IQCH: variants seen among roughly 807,000 people sequenced by gnomAD.
IQCH encodes IQ domain-containing protein H.
IQCH carries 98 observed loss-of-function variants against 117.0 expected under a neutral mutation model. The observed-to-expected ratio is 0.84, with a 90% confidence interval of 0.71 to 0.99. IQCH has a LOEUF of 0.99. IQCH is among the 50% of genes least tolerant of loss of function. The pLI, the probability that IQCH is intolerant of heterozygous loss-of-function variation, is 0.00. For missense variants in IQCH, 1,102 were observed against 1,243.8 expected, an observed-to-expected ratio of 0.89 and a Z score of 1.72; for synonymous variants, 412 against 448.2, an observed-to-expected ratio of 0.92 and a Z score of 1.02.
intron 3 of IQCH, among the ~76,000 whole-genome samples, chr15:67,276,171 T>A (rs1227186444): frequency 6.6e-6 from 1 of 152,166 alleles, no homozygotes; most frequent in African/African-American, 2.4e-5. Flanking sequence ...CAAAATTATA[T>A]CTCAATTCAA....
At chr15:67,295,712 A>G (rs1163854268) in intron 4 of IQCH, among the ~76,000 whole-genome samples, 2 of 152,214 alleles carry the variant, frequency 1.3e-5, no homozygotes, top group Non-Finnish European at 2.9e-5. Context: ...ATATAGACAA[A>G]TGAATCCTAA....
intron 3 of IQCH, among the ~76,000 whole-genome samples, chr15:67,277,971 T>C (rs912039453): frequency 1.3e-5 from 2 of 152,138 alleles, no homozygotes. Flanking sequence ...GTAAATGTGG[T>C]GGTAAAGTGT....
At chr15:67,400,677 T>C (rs1328340069) in intron 14 of IQCH, among the ~76,000 whole-genome samples, 3 of 150,748 alleles carry the variant, frequency 2.0e-5, no homozygotes, top group Admixed American at 2.0e-4. Context: ...TTTTTTTTTA[T>C]TGGGACGGGG....
chr15:67,335,626 C>T (rs1394395537), intron 4 of IQCH, among the ~76,000 whole-genome samples: 1 of 152,108 alleles, frequency 6.6e-6, no homozygotes, highest in Non-Finnish European at 1.5e-5. Flanking sequence ...GAGAGGAGAG[C>T]TGAGGATAAG....
At chr15:67,429,718 T>C (rs1034214699) in intron 16 of IQCH, among the ~76,000 whole-genome samples, 1 of 152,178 alleles carries the variant, frequency 6.6e-6, no homozygotes, top group African/African-American at 2.4e-5. Context: ...TTCATGCCCA[T>C]TGGCCCCAGC....
At position 67,475,293 on chromosome 15, in the gene IQCH, TAGTG is replaced by T. The variant is rs1162352521; in HGVS notation, c.2677-400_2677-397del. Among the ~76,000 whole-genome samples the T allele has an allele frequency of 1.3e-5, 2 of 152,088 alleles. No homozygotes were observed. Among genetic ancestry groups the T allele is most frequent in the East Asian group, 3.9e-4 (2 of 5,164 alleles). On this transcript the variant is annotated intron_variant, in intron 17 of 20. Transcript: ENST00000335894. This position sits in a 1 kb window ranked among gnomAD's most constrained non-coding sequence, Gnocchi z 5.7. Reference sequence around the variant, plus strand: ...GAGTTCAAGACCAGCCTGGGCAACATAGTGAGACCCCTGTCTCTACAAAAAAATA... The same window carrying T: ...GAGTTCAAGACCAGCCTGGGCAACATAGACCCCTGTCTCTACAAAAAAATA...
At chr15:67,325,373 A>G (rs1596185464) in intron 4 of IQCH, among the ~76,000 whole-genome samples, 1 of 152,136 alleles carries the variant, frequency 6.6e-6, no homozygotes, top group African/African-American at 2.4e-5. Flanking sequence ...ATCATCTTGT[A>G]TGCTTTAAAT....
At chr15:67,470,222 G>C (rs1333907263) in intron 17 of IQCH, among the ~76,000 whole-genome samples, 1 of 152,220 alleles carries the variant, frequency 6.6e-6, no homozygotes, top group Admixed American at 6.5e-5. Flanking sequence ...CCAGGCTGGA[G>C]TGCAGTGGCA....
chr15:67,348,551 A>T (rs1450753331), intron 6 of IQCH, among the ~76,000 whole-genome samples: 1 of 152,242 alleles, frequency 6.6e-6, no homozygotes, highest in Non-Finnish European at 1.5e-5. Flanking sequence ...TTAGGTATAA[A>T]GCTAACAAAT....
chr15:67,330,135 C>T (rs1453813368), intron 4 of IQCH, among the ~76,000 whole-genome samples: 2 of 152,144 alleles, frequency 1.3e-5, no homozygotes, highest in African/African-American at 2.4e-5. Flanking sequence ...TCCTATACCA[C>T]TGGCCAGAAC....
intron 14 of IQCH, among the ~76,000 whole-genome samples, chr15:67,412,645 C>T (rs8026196): frequency 0.45 from 68,973 of 151,912 alleles, 16,728 homozygotes; most frequent in Non-Finnish European, 0.55. Context: ...GTGATCCACC[C>T]ACCTCGGCCT....
chr15:67,455,134 G>GA (rs1289403325), intron 16 of IQCH, among the ~76,000 whole-genome samples: 12 of 152,092 alleles, frequency 7.9e-5, no homozygotes, highest in Non-Finnish European at 1.6e-4. Context: ...TGTTTTCAAG[G>GA]AAGATTTTTT....
intron 8 of IQCH, among the ~76,000 whole-genome samples, chr15:67,362,680 C>A (rs988254408): frequency 6.6e-6 from 1 of 152,132 alleles, no homozygotes; most frequent in Non-Finnish European, 1.5e-5. Flanking sequence ...CCCTACAGCC[C>A]CAGGAAATCC....
chr15:67,297,540 C>T (rs1966860767), intron 4 of IQCH, among the ~76,000 whole-genome samples: 1 of 152,128 alleles, frequency 6.6e-6, no homozygotes, highest in South Asian at 2.1e-4. Flanking sequence ...TTCAATGGTT[C>T]AGCACCATAG....
At chr15:67,341,315 G>A (rs1596218296) in intron 5 of IQCH, among the ~76,000 whole-genome samples, 1 of 152,160 alleles carries the variant, frequency 6.6e-6, no homozygotes, top group African/African-American at 2.4e-5. Flanking sequence ...TTGTGAACAA[G>A]AAATTCCTAA....
chr15:67,497,824 A>T lies in IQCH; in HGVS notation c.2971-2809A>T, dbSNP rs149009304. 1.4e-4 allele frequency among the ~76,000 whole-genome samples: 22 copies of T among 152,314 alleles called. No homozygotes were observed. In the East Asian group the frequency reaches 4.1e-3, roughly 28 times the overall value. ...TTTAACAGAAGTGCAAGATTTTTGC[A>T]GTGAAAACTATAAGACATGGGTGAA... On this transcript the variant is annotated intron_variant, in intron 20 of 20. Transcript: ENST00000335894.
rs992823955 is a variant in IQCH, at chr15:67,386,787, C to T, written c.1456+1768C>T. 1.3e-5 allele frequency among the ~76,000 whole-genome samples: 2 copies of T among 152,068 alleles called. No homozygotes were observed. Among genetic ancestry groups the T allele is most frequent in the African/African-American group, 4.8e-5 (2 of 41,438 alleles). On this transcript the variant is annotated intron_variant, in intron 11 of 20. Transcript: ENST00000335894. This position sits in a 1 kb window ranked among gnomAD's most constrained non-coding sequence, Gnocchi z 5.0. ...ATCAAAGAAAGTTTCATCTTCGTATCAATTCCTTTCCAAAATTACCTGTCA... is the reference window on the plus strand; with the variant it reads ...ATCAAAGAAAGTTTCATCTTCGTATTAATTCCTTTCCAAAATTACCTGTCA...
chr15:67,306,578 A>T (rs1009589970), intron 4 of IQCH, among the ~76,000 whole-genome samples: 1 of 152,132 alleles, frequency 6.6e-6, no homozygotes, highest in Non-Finnish European at 1.5e-5. Context: ...TCTCCATCTT[A>T]TGAAGTGGTG....
chr15:67,395,679 T>A lies in IQCH; in HGVS notation c.1905+116T>A. The A allele has an allele frequency of 1.5e-6, 1 of 652,624 alleles. No homozygotes were observed. Among genetic ancestry groups the A allele is most frequent in the Non-Finnish European group, 2.5e-6 (1 of 392,276 alleles). 40.4% of individuals were successfully genotyped at this position (652,624 alleles called of 1,614,324 possible). The stretch of plus-strand genomic sequence containing the variant: ...ACCCAATGAAGAATAGGTGGAATAT[T>A]TGAGTTGATTTGAGGGAATCTACTT... On this transcript the variant is annotated intron_variant, in intron 13 of 20. Transcript: ENST00000335894. The surrounding 1 kb of genome is among the most constrained non-coding windows in gnomAD (Gnocchi z 4.0).
Sources: allele counts gnomAD v4.1 joint callset (sites outside exome capture counted in the v4.1 genomes callset), GRCh38; gene constraint gnomAD v4.1.1; non-coding constraint Gnocchi (gnomAD v3.1); transcripts MANE v1.5; gene names NCBI Gene and HGNC (gene_info 2026-07-23, HGNC 2026-07-21).